ATCAY: variants seen among roughly 807,000 people sequenced by gnomAD.
ATCAY encodes the protein ATCAY kinesin light chain interacting caytaxin.
In ATCAY, 22 loss-of-function variants were observed where a neutral mutation model predicts 47.7. The observed-to-expected ratio is 0.46, with a 90% CI of 0.33 to 0.66. The LOEUF (loss-of-function observed/expected upper bound fraction) is 0.66, where lower values mean the gene tolerates loss of function less well. ATCAY is among the 30% of genes least tolerant of loss of function. ATCAY has a pLI of 0.02. For synonymous variants in ATCAY, 216 were observed against 207.6 expected, an observed-to-expected ratio of 1.04 and a Z score of -0.35; for missense variants, 452 against 515.0, an observed-to-expected ratio of 0.88 and a Z score of 1.18.
intron 2 of ATCAY, among the ~76,000 whole-genome samples, chr19:3,899,085 G>A (rs935273244): frequency 2.8e-4 from 43 of 152,072 alleles, no homozygotes; most frequent in Admixed American, 6.6e-5. Context: ...TTGGGAATCC[G>A]CTCCATTTTG....
intron 6 of ATCAY, among the ~76,000 whole-genome samples, 185 bp from the exon 7 acceptor site, chr19:3,909,301 G>A (rs938363250): frequency 6.6e-5 from 10 of 150,754 alleles, no homozygotes; most frequent in African/African-American, 2.4e-4. Context: ...ACACTCATGT[G>A]GAGTGTGCTG....
chr19:3,889,391 C>T, intron 2 of ATCAY, among the ~76,000 whole-genome samples: 1 of 151,644 alleles, frequency 6.6e-6, no homozygotes, highest in South Asian at 2.1e-4. Context: ...CCAGCCTGGG[C>T]GACAGAGTGA....
At chr19:3,881,875 C>CTCCCCCCCCG (rs1555765216) in intron 1 of ATCAY, among the ~76,000 whole-genome samples, 1 of 145,930 alleles carries the variant, frequency 6.9e-6, no homozygotes, top group African/African-American at 2.6e-5. Flanking sequence ...CGCCCCCCCC[C>CTCCCCCCCCG]CGACCCCATA....
At chr19:3,897,998 T>C (rs1054516021) in intron 2 of ATCAY, among the ~76,000 whole-genome samples, 4 of 152,132 alleles carry the variant, frequency 2.6e-5, no homozygotes, top group African/African-American at 9.7e-5. Context: ...AAGTTCATGA[T>C]TCAGTGGCAG....
intron 10 of ATCAY, 58 bp from the exon 11 acceptor site, chr19:3,918,748 C>A: frequency 1.3e-6 from 2 of 1,595,872 alleles, no homozygotes; most frequent in Non-Finnish European, 1.7e-6. Context: ...AGCTGAGAGC[C>A]CACCCCTTGG....
intron 2 of ATCAY, among the ~76,000 whole-genome samples, chr19:3,895,720 T>TC (rs201999542): frequency 2.7e-5 from 4 of 147,762 alleles, no homozygotes; most frequent in Non-Finnish European, 4.5e-5. Context: ...TCTTTTCTTT[T>TC]TTTTTTTTTT....
At chr19:3,916,710 G>A (rs2038969024) in intron 9 of ATCAY, among the ~76,000 whole-genome samples, 1 of 151,948 alleles carries the variant, frequency 6.6e-6, no homozygotes, top group South Asian at 2.1e-4. Context: ...TGGCCTGGCT[G>A]GTCTCAAACT....
intron 9 of ATCAY, 115 bp from the exon 10 acceptor site, chr19:3,917,623 AGAAG>A: frequency 2.1e-6 from 2 of 969,130 alleles, no homozygotes; most frequent in Non-Finnish European, 3.1e-6. Flanking sequence ...AAGAAGAAGA[AGAAG>A]AAAAGAAAGA....
intron 2 of ATCAY, among the ~76,000 whole-genome samples, chr19:3,900,988 G>A (rs1403954227): frequency 3.7e-5 from 5 of 136,948 alleles, no homozygotes; most frequent in Non-Finnish European, 7.6e-5. Context: ...TGCAAGCTCC[G>A]CCTCCTGGGT....
chr19:3,914,327 T>C (rs894390600), intron 9 of ATCAY, among the ~76,000 whole-genome samples: 3 of 150,318 alleles, frequency 2.0e-5, no homozygotes, highest in Non-Finnish European at 4.4e-5. Context: ...ACGTCTCCCA[T>C]GGCGGCAGAG....
chr19:3,913,866 C>T lies in ATCAY; in HGVS notation c.965+10C>T. On this transcript the variant is annotated intron_variant, in intron 9 of 12. Coordinates refer to ENST00000450849, the MANE Select transcript of ATCAY (RefSeq NM_033064.5). ...CAGACTGCGTCCTGCAGTGAGTGGC[C>T]CCACAGTCCACCCCGCCGTATTAGT... 1 of 1,603,126 alleles carries T rather than the reference C, an allele frequency of 6.2e-7. No homozygotes were observed. Among genetic ancestry groups the T allele is most frequent in the Non-Finnish European group, 8.5e-7 (1 of 1,172,390 alleles).
chr19:3,882,029 C>T (rs971782082), intron 1 of ATCAY, among the ~76,000 whole-genome samples: 18 of 151,972 alleles, frequency 1.2e-4, no homozygotes, highest in African/African-American at 4.1e-4. Context: ...GTCCCCTCCC[C>T]CCACTTCCTC....
At chr19:3,906,037 G>A (rs1019124899) in intron 4 of ATCAY, among the ~76,000 whole-genome samples, 1 of 151,776 alleles carries the variant, frequency 6.6e-6, no homozygotes. Context: ...CAGGCATGGT[G>A]GCGGGCACCT....
chr19:3,891,117 C>A (rs915558065), intron 2 of ATCAY, among the ~76,000 whole-genome samples: 5 of 150,934 alleles, frequency 3.3e-5, no homozygotes, highest in African/African-American at 1.2e-4. Flanking sequence ...AGTGGTGCAA[C>A]CTCAGCTCAC....
intron 1 of ATCAY, among the ~76,000 whole-genome samples, chr19:3,884,631 C>T (rs901766479): frequency 1.3e-5 from 2 of 152,160 alleles, no homozygotes; most frequent in Non-Finnish European, 2.9e-5. Context: ...GGTCATGGCT[C>T]ACCCTGGAGA....
intron 4 of ATCAY, among the ~76,000 whole-genome samples, chr19:3,906,405 C>T (rs966848603): frequency 1.1e-4 from 16 of 150,108 alleles, no homozygotes; most frequent in East Asian, 4.1e-4. Flanking sequence ...CGGGTTCAAG[C>T]GATTCTTTTG....
rs2038998346 is a variant in ATCAY, at chr19:3,919,555, G to A, written c.1073+678G>A. 2.0e-5 allele frequency among the ~76,000 whole-genome samples: 3 copies of A among 152,080 alleles called. No homozygotes were observed. In the South Asian group the frequency reaches 6.2e-4, roughly 31 times the overall value. On this transcript the variant is annotated intron_variant, in intron 11 of 12. Coordinates refer to ENST00000450849, the MANE Select transcript of ATCAY (RefSeq NM_033064.5). Reference sequence around the variant, plus strand: ...TGCAGTGAGCCGAGATCAGACCACTGCACTCCAGCCTGGCGACAGAATGAG... The same window carrying A: ...TGCAGTGAGCCGAGATCAGACCACTACACTCCAGCCTGGCGACAGAATGAG...
chr19:3,904,306 G>A (rs1414624556), intron 3 of ATCAY, among the ~76,000 whole-genome samples: 7 of 152,304 alleles, frequency 4.6e-5, no homozygotes, highest in African/African-American at 1.2e-4. Context: ...CCTGGGTAAC[G>A]GAGTGAGACT....
At chr19:3,887,057 G>T (rs1351418053) in intron 2 of ATCAY, among the ~76,000 whole-genome samples, 5 of 152,012 alleles carry the variant, frequency 3.3e-5, no homozygotes, top group Admixed American at 1.3e-4. Flanking sequence ...CAAGAGCAGG[G>T]GTCTTTGTTT....
Sources: gnomAD v4.1 joint callset for allele counts (sites outside exome capture counted in the v4.1 genomes callset) on GRCh38, gnomAD v4.1.1 for gene constraint, MANE v1.5 for transcripts, NCBI Gene and HGNC (gene_info 2026-07-23, HGNC 2026-07-21) for gene names.